EYS: variants seen among roughly 807,000 people sequenced by gnomAD.
EYS encodes protein eyes shut homolog.
A neutral mutation model predicts 282.1 loss-of-function variants in EYS; 250 were observed. That is an observed-to-expected ratio of 0.89 (90% confidence interval 0.80 to 0.98). The LOEUF (loss-of-function observed/expected upper bound fraction) is 0.98. Among genes scored for constraint, EYS ranks in the 50% least tolerant of loss-of-function variants. The pLI is 0.00. For synonymous variants in EYS, 1,355 were observed against 1,282.9 expected (o/e 1.06, Z -1.20); for missense variants, 4,016 against 3,709.0 (o/e 1.08, Z -2.15).
intron 2 of EYS, among the ~76,000 whole-genome samples, chr6:65,592,499 C>T (rs1765264144): frequency 6.6e-6 from 1 of 151,866 alleles, no homozygotes; most frequent in Non-Finnish European, 1.5e-5. Flanking sequence ...AAGATAACAA[C>T]AAAACTCACA....
rs568568739 is a variant in EYS, at chr6:64,638,338, A to G, written c.3444-12093T>C. Among the ~76,000 whole-genome samples, 235 of 91,398 alleles carry G rather than the reference A, an allele frequency of 2.6e-3. 84 individuals are homozygous for G. The highest frequency in any genetic ancestry group is 8.9e-3 in the African/African-American group (216 of 24,168). The allele number at this position is 91,398 out of a possible 152,430, so 60.0% of individuals were successfully genotyped here. A position where few individuals can be genotyped will look rare whatever the true frequency, so the allele number is the denominator to read the frequency against. On this transcript the variant is annotated intron_variant, in intron 22 of 42. Transcript: ENST00000503581. ...ATTGTTCCTTTCTAAAGAAGCTATG[A>G]CTAGACTCTCTATTAAATCTAAAAT...
At chr6:65,672,751 A>G (rs567485247) in intron 1 of EYS, among the ~76,000 whole-genome samples, 1 of 152,178 alleles carries the variant, frequency 6.6e-6, no homozygotes. Flanking sequence ...GACAACATCA[A>G]CAAAGACAGA....
At chr6:64,213,037 CT>C (rs950952900) in intron 31 of EYS, among the ~76,000 whole-genome samples, 1 of 152,002 alleles carries the variant, frequency 6.6e-6, no homozygotes, top group Non-Finnish European at 1.5e-5. Flanking sequence ...CATGTTTTCC[CT>C]TATAAGTGGG....
rs185276662 is a variant in EYS at position 65,401,182 on chromosome 6, C to T, written c.1184+1296G>A. On this transcript the variant is annotated intron_variant, in intron 7 of 42. Coordinates refer to ENST00000503581, the MANE Select transcript of EYS (RefSeq NM_001142800.2). ...CAGATAAATCCTTAACATAAAAGCACTGAAGTCAAGTCGTTTTTATTTTTA... is the reference window on the plus strand; with the variant it reads ...CAGATAAATCCTTAACATAAAAGCATTGAAGTCAAGTCGTTTTTATTTTTA... 4.1e-3 allele frequency among the ~76,000 whole-genome samples: 622 copies of T among 151,964 alleles called. 5 individuals carry two copies. The highest frequency in any genetic ancestry group is 0.014 in the African/African-American group (589 of 41,512).
At chr6:64,055,658 G>C (rs1770960098) in intron 33 of EYS, among the ~76,000 whole-genome samples, 1 of 152,118 alleles carries the variant, frequency 6.6e-6, no homozygotes, top group South Asian at 2.1e-4. Context: ...GGAGTTACAT[G>C]TGTCCCTGCT....
intron 22 of EYS, among the ~76,000 whole-genome samples, chr6:64,785,875 G>A (rs1774000873): frequency 6.6e-6 from 1 of 152,110 alleles, no homozygotes; most frequent in Admixed American, 6.6e-5. Flanking sequence ...GCAAATCCAG[G>A]TTAACCCAGA....
chr6:64,347,631 T>C (rs1328371992), intron 29 of EYS, among the ~76,000 whole-genome samples: 4 of 151,450 alleles, frequency 2.6e-5, no homozygotes, highest in Non-Finnish European at 5.9e-5. Flanking sequence ...CCAACATGAT[T>C]TCCACTGGTG....
chr6:63,957,135 A>AT lies in EYS; in HGVS notation c.7055+27247dup, dbSNP rs1244261158. Reference sequence around the variant, plus strand: ...CCGGATGAAGCTTATGTAAGACAATATTTTTTTGAAAGACACATTACTGTC... The same window carrying AT: ...CCGGATGAAGCTTATGTAAGACAATATTTTTTTTGAAAGACACATTACTGTC... On this transcript the variant is annotated intron_variant, in intron 35 of 42. Coordinates refer to ENST00000503581, the MANE Select transcript of EYS (RefSeq NM_001142800.2). Among the ~76,000 whole-genome samples, 2 of 142,514 alleles carry AT rather than the reference A, an allele frequency of 1.4e-5. 1 individual carries two copies. Among genetic ancestry groups the AT allele is most frequent in the Non-Finnish European group, 3.2e-5 (2 of 62,538 alleles). The allele number at this position is 142,514 out of a possible 152,430, so 93.5% of individuals were successfully genotyped here.
At chr6:64,912,229 GA>G (rs67221279) in intron 16 of EYS, among the ~76,000 whole-genome samples, 102,025 of 151,144 alleles carry the variant, frequency 0.68, 34,550 homozygotes, top group African/African-American at 0.74. Flanking sequence ...ACTTCTGAAA[GA>G]AAAAAAAAGG....
intron 2 of EYS, among the ~76,000 whole-genome samples, chr6:65,575,776 A>G (rs1226273805): frequency 6.6e-6 from 1 of 152,078 alleles, no homozygotes; most frequent in Non-Finnish European, 1.5e-5. Flanking sequence ...AATTGATAAC[A>G]CAGAAATATA....
At chr6:64,400,828 G>A (rs1285072185) in intron 28 of EYS, among the ~76,000 whole-genome samples, 1 of 151,972 alleles carries the variant, frequency 6.6e-6, no homozygotes, top group African/African-American at 2.4e-5. Context: ...AGGACCACTG[G>A]TGTTTGAACT....
chr6:65,529,342 A>G (rs1417517492), intron 2 of EYS, among the ~76,000 whole-genome samples: 1 of 152,176 alleles, frequency 6.6e-6, no homozygotes, highest in Non-Finnish European at 1.5e-5. Flanking sequence ...CCTAAAGCAA[A>G]TATCTGGAGT....
chr6:64,668,728 C>A (rs1255442830), intron 22 of EYS, among the ~76,000 whole-genome samples: 1 of 151,646 alleles, frequency 6.6e-6, no homozygotes, highest in Non-Finnish European at 1.5e-5. Flanking sequence ...CCACGCCCAG[C>A]TAATTTTTTG....
intron 12 of EYS, among the ~76,000 whole-genome samples, chr6:65,096,345 A>C (rs1324719456): frequency 6.6e-6 from 1 of 150,978 alleles, no homozygotes; most frequent in African/African-American, 2.4e-5. Flanking sequence ...GAAATTTTAA[A>C]AGACATAAAT....
At chr6:64,945,682 A>G (rs1262793235) in intron 15 of EYS, 111 bp downstream of exon 15, 1 of 1,004,986 alleles carries the variant, frequency 1.0e-6, no homozygotes, top group East Asian at 2.8e-5. Context: ...TCATTGCTGG[A>G]TGGTTATTTT....
chr6:64,715,326 AGTT>A (rs1176027011), intron 22 of EYS, among the ~76,000 whole-genome samples: 6 of 152,100 alleles, frequency 3.9e-5, no homozygotes, highest in South Asian at 4.2e-4. Context: ...ATTGCTTTTC[AGTT>A]GTTGTCACTG....
At chr6:63,832,471 A>G (rs1265276930) in intron 36 of EYS, among the ~76,000 whole-genome samples, 2 of 152,248 alleles carry the variant, frequency 1.3e-5, no homozygotes, top group African/African-American at 4.8e-5. Context: ...TCTAGAAGAA[A>G]TGGATAAATT....
chr6:64,956,558 C>T (rs1769707123), intron 14 of EYS, among the ~76,000 whole-genome samples: 2 of 152,088 alleles, frequency 1.3e-5, no homozygotes, highest in Non-Finnish European at 2.9e-5. Context: ...CAAGCACAGG[C>T]AACCAAAGCA....
chr6:65,167,638 C>T (rs1765005914), intron 12 of EYS, among the ~76,000 whole-genome samples: 1 of 151,106 alleles, frequency 6.6e-6, no homozygotes, highest in African/African-American at 2.4e-5. Context: ...AATCTTGCTC[C>T]TGCCTTATAG....
Sources: allele counts gnomAD v4.1 joint callset (sites outside exome capture counted in the v4.1 genomes callset), GRCh38; gene constraint gnomAD v4.1.1; transcripts MANE v1.5; gene names NCBI Gene and HGNC (gene_info 2026-07-23, HGNC 2026-07-21).